Variants in SKAP1 observed in about 807,000 individuals in gnomAD.
SKAP1 encodes the protein src kinase associated phosphoprotein 1.
SKAP1 carries 44 observed loss-of-function variants against 58.5 expected under a neutral mutation model. The ratio of observed to expected loss-of-function variants is 0.75; its 90% CI spans 0.59 to 0.97. SKAP1 has a LOEUF of 0.97. Ranked by LOEUF, SKAP1 falls within the 50% of genes least tolerant of loss-of-function variation. The probability of loss-of-function intolerance (pLI) is 0.00; values close to 1 mark genes in which losing one functional copy is unlikely to be tolerated. For missense variants in SKAP1, 390 were observed against 435.2 expected (o/e 0.90, Z 0.92); for synonymous variants, 127 against 149.7 (o/e 0.85, Z 1.11).
chr17:48,141,957 T>G (rs1056965440), intron 11 of SKAP1, among the ~76,000 whole-genome samples: 48 of 152,296 alleles, frequency 3.2e-4, no homozygotes, highest in African/African-American at 1.1e-3. Context: ...ACTCTCTGAC[T>G]GTGTGGGGTC....
chr17:48,272,924 A>G (rs1461430847), intron 4 of SKAP1, among the ~76,000 whole-genome samples: 1 of 152,222 alleles, frequency 6.6e-6, no homozygotes, highest in Non-Finnish European at 1.5e-5. Flanking sequence ...TCATTGGGAC[A>G]CTGGGAATGA....
At chr17:48,421,836 A>T (rs1228682131) in intron 1 of SKAP1, among the ~76,000 whole-genome samples, 1 of 152,208 alleles carries the variant, frequency 6.6e-6, no homozygotes, top group African/African-American at 2.4e-5. Flanking sequence ...CAATGAAGCT[A>T]ATTTTCTCTC....
At chr17:48,269,499 G>A (rs1378824569) in intron 4 of SKAP1, among the ~76,000 whole-genome samples, 1 of 152,188 alleles carries the variant, frequency 6.6e-6, no homozygotes, top group African/African-American at 2.4e-5. Context: ...GAGTTAACCT[G>A]CTATAAGGTC....
intron 4 of SKAP1, among the ~76,000 whole-genome samples, chr17:48,221,661 T>G (rs1002017299): frequency 6.6e-6 from 1 of 152,186 alleles, no homozygotes; most frequent in African/African-American, 2.4e-5. Flanking sequence ...CAAGAGAAAT[T>G]GACTTAAATT....
upstream of SKAP1, among the ~76,000 whole-genome samples, chr17:48,434,118 T>C (rs2067930441): frequency 1.3e-5 from 2 of 152,248 alleles, no homozygotes; most frequent in African/African-American, 4.8e-5. Flanking sequence ...ACGTCTGCCC[T>C]ATGGATGTGC....
chr17:48,182,490 G>C (rs377133123), intron 7 of SKAP1, 33 bp from the exon 8 acceptor site: 166 of 1,502,200 alleles, frequency 1.1e-4, no homozygotes, highest in Middle Eastern at 8.6e-4. Flanking sequence ...ATTTATCACT[G>C]TCACTAAAAT....
At position 48,345,913 on chromosome 17, in the gene SKAP1, T is replaced by C; in HGVS notation, c.272A>G (p.Gln91Arg). Residue 91 changes from glutamine to arginine, a missense_variant, in exon 4 of 13, where the codon CAG becomes CGG. Physicochemically the swap from Gln to Arg is conservative, Grantham distance 43. Coordinates refer to ENST00000336915, the MANE Select transcript of SKAP1 (RefSeq NM_003726.4). ...AGAAGGATAACACTCACCCTCATCCTGATAATCTGACAAAAAGGGTGCATC... is the reference window on the plus strand; with the variant it reads ...AGAAGGATAACACTCACCCTCATCCCGATAATCTGACAAAAAGGGTGCATC... ...TSDAPFLSDY[Q>R]DEGMEDIVKG... 1 of 1,610,830 alleles carries C rather than the reference T, an allele frequency of 6.2e-7. No individual in the cohort carries two copies. The highest frequency in any genetic ancestry group is 8.5e-7 in the Non-Finnish European group (1 of 1,177,314).
At chr17:48,291,423 G>A (rs191884458) in intron 4 of SKAP1, among the ~76,000 whole-genome samples, 242 of 152,276 alleles carry the variant, frequency 1.6e-3, no homozygotes, top group African/African-American at 5.6e-3. Flanking sequence ...TTCTCTTGCT[G>A]AGGACATTCT....
chr17:48,233,322 G>A (rs1312102858), intron 4 of SKAP1, among the ~76,000 whole-genome samples: 1 of 151,954 alleles, frequency 6.6e-6, no homozygotes, highest in Non-Finnish European at 1.5e-5. Flanking sequence ...GGTGAAGGAG[G>A]GTGTTAAAAG....
intron 1 of SKAP1, among the ~76,000 whole-genome samples, chr17:48,420,902 G>T (rs1449457545): frequency 6.6e-6 from 1 of 152,164 alleles, no homozygotes; most frequent in Non-Finnish European, 1.5e-5. Flanking sequence ...CTCCCGAGCT[G>T]TAACAACCAA....
intron 2 of SKAP1, among the ~76,000 whole-genome samples, chr17:48,369,833 A>C (rs2067060538): frequency 6.6e-6 from 1 of 152,188 alleles, no homozygotes; most frequent in South Asian, 2.1e-4. Context: ...TCAGAACAGG[A>C]CCTCTAATGA....
chr17:48,378,113 T>A (rs1331982140), intron 2 of SKAP1, among the ~76,000 whole-genome samples: 1 of 152,104 alleles, frequency 6.6e-6, no homozygotes, highest in Non-Finnish European at 1.5e-5. Context: ...CTCCTCTCCA[T>A]CTCTGCAGAC....
intron 9 of SKAP1, among the ~76,000 whole-genome samples, chr17:48,179,825 C>T (rs2064343907): frequency 1.3e-5 from 2 of 152,200 alleles, no homozygotes; most frequent in Admixed American, 6.5e-5. Context: ...AAAGTTACTT[C>T]ACATGGCATG....
At chr17:48,303,988 C>G (rs1367740529) in intron 4 of SKAP1, among the ~76,000 whole-genome samples, 2 of 151,922 alleles carry the variant, frequency 1.3e-5, no homozygotes, top group Non-Finnish European at 2.9e-5. Context: ...TCAATAGACA[C>G]TAAGGAAACA....
chr17:48,222,871 T>C (rs1406130635), intron 4 of SKAP1, among the ~76,000 whole-genome samples: 2 of 149,928 alleles, frequency 1.3e-5, no homozygotes, highest in East Asian at 2.0e-4. Context: ...CGAGACCAGC[T>C]TGGCCAACAT....
At chr17:48,419,348 T>TC (rs2067768717) in intron 1 of SKAP1, among the ~76,000 whole-genome samples, 1 of 151,812 alleles carries the variant, frequency 6.6e-6, no homozygotes, top group East Asian at 1.9e-4. Context: ...GCAGTGGTGC[T>TC]ATCTTGGCTC....
At chr17:48,167,760 C>A (rs2064159156) in intron 10 of SKAP1, among the ~76,000 whole-genome samples, 1 of 152,072 alleles carries the variant, frequency 6.6e-6, no homozygotes, top group South Asian at 2.1e-4. Flanking sequence ...ATGATTTGTG[C>A]CTCCAGGGTT....
intron 4 of SKAP1, among the ~76,000 whole-genome samples, chr17:48,274,696 C>CA (rs35179325): frequency 0.38 from 55,715 of 147,584 alleles, 10,620 homozygotes; most frequent in South Asian, 0.57. Flanking sequence ...AACTCCTTCT[C>CA]AAAAAAAAAA....
intron 1 of SKAP1, among the ~76,000 whole-genome samples, chr17:48,415,555 T>C: frequency 6.6e-6 from 1 of 152,100 alleles, no homozygotes; most frequent in East Asian, 1.9e-4. Context: ...TCTAAGCCTG[T>C]TGGTTGGCAG....
Sources: gnomAD v4.1 joint callset for allele counts (sites outside exome capture counted in the v4.1 genomes callset) on GRCh38, gnomAD v4.1.1 for gene constraint, MANE v1.5 for transcripts, NCBI Gene and HGNC (gene_info 2026-07-23, HGNC 2026-07-21) for gene names.